The following KCNT2 variants were observed in gnomAD, a reference collection of about 807,000 sequenced individuals.
KCNT2 encodes the protein potassium sodium-activated channel subfamily T member 2.
Under a neutral mutation model 153.8 loss-of-function variants are expected in KCNT2, and 67 were observed. That is an observed-to-expected ratio of 0.44 (90% CI 0.36 to 0.53). The LOEUF (loss-of-function observed/expected upper bound fraction) is 0.53, where lower values mean the gene tolerates loss of function less well. KCNT2 is among the 20% of genes least tolerant of loss of function. KCNT2 has a pLI of 0.00. For synonymous variants in KCNT2, 500 were observed against 458.8 expected, an observed-to-expected ratio of 1.09 and a Z score of -1.15; for missense variants, 975 against 1,354.8, an observed-to-expected ratio of 0.72 and a Z score of 4.40.
chr1:196,426,317 C>T (rs765689020), intron 10 of KCNT2, among the ~76,000 whole-genome samples: 12 of 152,038 alleles, frequency 7.9e-5, no homozygotes, highest in Non-Finnish European at 1.8e-4. Context: ...CAGACTGATC[C>T]TAAAATATAC....
In KCNT2 at chr1:196,243,599, G is replaced by A. The variant is rs531425160; in HGVS notation, c.3212-7529C>T. Among the ~76,000 whole-genome samples the A allele has an allele frequency of 2.6e-5, 4 of 152,250 alleles. No homozygotes were observed. The East Asian group carries it at 7.8e-4, about 30-fold the overall frequency. On this transcript the variant is annotated intron_variant, in intron 26 of 27. Transcript: ENST00000294725. Reference sequence around the variant, plus strand: ...CAATGCTGCCCTGGAACAGTGGTAAGCAACACTGGGCAGAACTCAGCCAGT... The same window carrying A: ...CAATGCTGCCCTGGAACAGTGGTAAACAACACTGGGCAGAACTCAGCCAGT...
intron 8 of KCNT2, among the ~76,000 whole-genome samples, chr1:196,453,190 G>A (rs971135405): frequency 2.0e-5 from 3 of 151,866 alleles, no homozygotes; most frequent in African/African-American, 7.2e-5. Context: ...TGTGGAGTGT[G>A]TCAGCAGAAG....
chr1:196,338,471 T>C (rs1312826764), intron 16 of KCNT2, among the ~76,000 whole-genome samples: 2 of 152,072 alleles, frequency 1.3e-5, no homozygotes, highest in Non-Finnish European at 2.9e-5. Flanking sequence ...AGGACAATTA[T>C]ATAAACTGAA....
intron 3 of KCNT2, among the ~76,000 whole-genome samples, chr1:196,483,070 C>G (rs1679136950): frequency 6.6e-6 from 1 of 152,100 alleles, no homozygotes. Context: ...GAGTTACTTA[C>G]AGCAATATAC....
intron 1 of KCNT2, among the ~76,000 whole-genome samples, chr1:196,583,077 G>C (rs182663037): frequency 6.6e-6 from 1 of 152,046 alleles, no homozygotes; most frequent in South Asian, 2.1e-4. Context: ...ATTCCAGAGA[G>C]AGGAATTGTC....
chr1:196,476,590 T>C lies in KCNT2; in HGVS notation c.384+2589A>G, dbSNP rs1369478211. 6.1e-4 allele frequency among the ~76,000 whole-genome samples: 93 copies of C among 152,152 alleles called. 1 individual carries two copies. The highest frequency in any genetic ancestry group is 6.1e-3 in the Admixed American group (93 of 15,284). On this transcript the variant is annotated intron_variant, in intron 5 of 27. Transcript: ENST00000294725. Reference sequence around the variant, plus strand: ...TCCCATGTGAAAGCTCTTTCATTTCTCTTCTCTAGCTCTAATTTACTTATT... The same window carrying C: ...TCCCATGTGAAAGCTCTTTCATTTCCCTTCTCTAGCTCTAATTTACTTATT...
At chr1:196,550,183 C>G (rs949241359) in intron 1 of KCNT2, among the ~76,000 whole-genome samples, 6 of 151,930 alleles carry the variant, frequency 3.9e-5, no homozygotes, top group Admixed American at 1.3e-4. Flanking sequence ...CTCCCATATG[C>G]TTATTATCAG....
At chr1:196,461,426 T>C (rs1351588152) in intron 8 of KCNT2, among the ~76,000 whole-genome samples, 4 of 151,730 alleles carry the variant, frequency 2.6e-5, no homozygotes, top group Admixed American at 6.6e-5. Context: ...TAACATAATA[T>C]AGTTTCTTAT....
At chr1:196,554,026 G>A (rs1260467485) in intron 1 of KCNT2, among the ~76,000 whole-genome samples, 4 of 150,678 alleles carry the variant, frequency 2.7e-5, no homozygotes, top group East Asian at 2.0e-4. Flanking sequence ...TTCAAGAAAC[G>A]TTAGAAATAT....
At chr1:196,261,858 A>G (rs1273208982) in intron 25 of KCNT2, among the ~76,000 whole-genome samples, 1 of 151,850 alleles carries the variant, frequency 6.6e-6, no homozygotes, top group Non-Finnish European at 1.5e-5. Flanking sequence ...ATTTAATACT[A>G]ATGTTTGTGA....
intron 3 of KCNT2, among the ~76,000 whole-genome samples, chr1:196,489,333 T>G (rs1056093938): frequency 4.0e-5 from 6 of 151,838 alleles, no homozygotes; most frequent in African/African-American, 1.5e-4. Flanking sequence ...TGGAATATCC[T>G]CTCTAGTATT....
At chr1:196,289,808 G>T (rs1660019626) in intron 22 of KCNT2, among the ~76,000 whole-genome samples, 1 of 151,862 alleles carries the variant, frequency 6.6e-6, no homozygotes, top group South Asian at 2.1e-4. Context: ...GTAGAATTCT[G>T]AATTCAATTG....
chr1:196,437,252 A>AT (rs1021868757), intron 8 of KCNT2, among the ~76,000 whole-genome samples: 1 of 100,056 alleles, frequency 1.0e-5, no homozygotes, highest in African/African-American at 3.1e-5. Flanking sequence ...ATATTTATAT[A>AT]TTTTTTATAA....
intron 25 of KCNT2, 105 bp from the exon 26 acceptor site, chr1:196,258,599 G>A: frequency 2.1e-6 from 2 of 945,280 alleles, no homozygotes; most frequent in Non-Finnish European, 3.2e-6. Flanking sequence ...TTCTACTCAG[G>A]AGAGTTTTCA....
chr1:196,469,186 G>T (rs1207696647), intron 5 of KCNT2, 118 bp from the exon 6 acceptor site: 5 of 633,476 alleles, frequency 7.9e-6, no homozygotes, highest in Non-Finnish European at 1.4e-5. Context: ...ACAGAATACT[G>T]AATATTATAT....
At chr1:196,236,332 C>A (rs533089441) in intron 26 of KCNT2, among the ~76,000 whole-genome samples, 6 of 151,292 alleles carry the variant, frequency 4.0e-5, no homozygotes, top group South Asian at 4.2e-4. Flanking sequence ...TATAGTTTAC[C>A]GTTTATTACA....
At chr1:196,562,477 T>A (rs185906708) in intron 1 of KCNT2, among the ~76,000 whole-genome samples, 1 of 152,046 alleles carries the variant, frequency 6.6e-6, no homozygotes, top group East Asian at 1.9e-4. Flanking sequence ...ATTCAGATGA[T>A]TGGAGGACTT....
chr1:196,590,703 T>C (rs1663237090), intron 1 of KCNT2, among the ~76,000 whole-genome samples: 1 of 152,216 alleles, frequency 6.6e-6, no homozygotes, highest in Non-Finnish European at 1.5e-5. Flanking sequence ...ACAAAGCTCC[T>C]GTTTCTAAAT....
intron 14 of KCNT2, among the ~76,000 whole-genome samples, chr1:196,370,805 C>A (rs1414279534): frequency 6.6e-6 from 1 of 151,998 alleles, no homozygotes; most frequent in Admixed American, 6.6e-5. Flanking sequence ...CAAATACCCA[C>A]CAACTGATGA....
Sources: gnomAD v4.1 joint callset for allele counts (sites outside exome capture counted in the v4.1 genomes callset) on GRCh38, gnomAD v4.1.1 for gene constraint, MANE v1.5 for transcripts, NCBI Gene and HGNC (gene_info 2026-07-23, HGNC 2026-07-21) for gene names.